The following FHIT variants were observed in gnomAD, a reference collection of about 807,000 sequenced individuals.
FHIT encodes the protein fragile histidine triad diadenosine triphosphatase.
A neutral mutation model predicts 17.9 loss-of-function variants in FHIT; 19 were observed. That is an observed-to-expected ratio of 1.06 (90% confidence interval 0.74 to 1.56). The LOEUF is 1.56. Among genes scored for constraint, FHIT ranks in the 40% most tolerant of loss-of-function variants. The probability of loss-of-function intolerance (pLI) is 0.00; values close to 1 mark genes in which losing one functional copy is unlikely to be tolerated. For synonymous variants in FHIT, 81 were observed against 69.7 expected (o/e 1.16, Z -0.81); for missense variants, 248 against 189.2 (o/e 1.31, Z -1.82).
intron 5 of FHIT, among the ~76,000 whole-genome samples, chr3:60,278,720 C>CA (rs34671935): frequency 0.44 from 64,883 of 148,192 alleles, 14,500 homozygotes; most frequent in South Asian, 0.62. Context: ...AACCTCATAA[C>CA]AAAAAAAAAA....
chr3:60,146,008 C>G (rs572036486), intron 5 of FHIT, among the ~76,000 whole-genome samples: 2 of 151,534 alleles, frequency 1.3e-5, no homozygotes, highest in Non-Finnish European at 3.0e-5. Flanking sequence ...TCATCAAAAG[C>G]TGTATTGGTT....
At chr3:59,889,438 A>T (rs965411063) in intron 8 of FHIT, among the ~76,000 whole-genome samples, 2 of 152,224 alleles carry the variant, frequency 1.3e-5, no homozygotes, top group Non-Finnish European at 2.9e-5. Flanking sequence ...TAGGAAAACT[A>T]TCCTCAGATA....
At chr3:60,832,687 TAA>T (rs879964941) in intron 3 of FHIT, among the ~76,000 whole-genome samples, 4 of 132,900 alleles carry the variant, frequency 3.0e-5, no homozygotes, top group Non-Finnish European at 3.3e-5. Flanking sequence ...AATCAATTCA[TAA>T]AAAAAAAAAA....
At chr3:60,103,049 C>G (rs1337831139) in intron 5 of FHIT, among the ~76,000 whole-genome samples, 1 of 152,096 alleles carries the variant, frequency 6.6e-6, no homozygotes, top group African/African-American at 2.4e-5. Flanking sequence ...AAGCTTAAGA[C>G]CCCATTGCTT....
intron 5 of FHIT, among the ~76,000 whole-genome samples, chr3:60,051,325 G>GTTTT (rs1701868015): frequency 2.1e-5 from 2 of 97,060 alleles, no homozygotes; most frequent in African/African-American, 3.2e-5. Context: ...AATTTAGGAT[G>GTTTT]CTTTTTTTTT....
At chr3:59,821,636 G>A (rs1700792652) in intron 8 of FHIT, among the ~76,000 whole-genome samples, 1 of 152,102 alleles carries the variant, frequency 6.6e-6, no homozygotes, top group Admixed American at 6.5e-5. Context: ...CAATACCAGT[G>A]CTTACCCAGC....
chr3:59,878,637 G>C (rs114012978), intron 8 of FHIT, among the ~76,000 whole-genome samples: 3,321 of 152,302 alleles, frequency 0.022, 45 homozygotes, highest in South Asian at 0.063. Context: ...TTCACAGCAT[G>C]AGGAACACAG....
At chr3:60,914,911 T>G (rs929917878) in intron 3 of FHIT, among the ~76,000 whole-genome samples, 3 of 152,232 alleles carry the variant, frequency 2.0e-5, no homozygotes, top group Non-Finnish European at 4.4e-5. Flanking sequence ...TAAGTAGCCT[T>G]GTAAATTTCA....
chr3:59,759,394 G>A (rs1247121184), intron 8 of FHIT, among the ~76,000 whole-genome samples: 1 of 152,112 alleles, frequency 6.6e-6, no homozygotes, highest in Non-Finnish European at 1.5e-5. Context: ...TTTGGGAGAG[G>A]GGGCTCATTT....
At chr3:59,969,978 G>A (rs1575788365) in intron 7 of FHIT, among the ~76,000 whole-genome samples, 1 of 151,944 alleles carries the variant, frequency 6.6e-6, no homozygotes, top group Non-Finnish European at 1.5e-5. Context: ...TCTCCCTCCA[G>A]AAAATTGTGT....
At chr3:60,023,780 C>G (rs559511877) in intron 5 of FHIT, among the ~76,000 whole-genome samples, 106 of 152,122 alleles carry the variant, frequency 7.0e-4, no homozygotes, top group Non-Finnish European at 1.3e-3. Flanking sequence ...GTGCTACACA[C>G]AGAGCTTAAC....
chr3:59,834,475 T>C (rs1234656070), intron 8 of FHIT, among the ~76,000 whole-genome samples: 1 of 152,182 alleles, frequency 6.6e-6, no homozygotes, highest in African/African-American at 2.4e-5. Context: ...TATTATAAAC[T>C]GGTTGGCTTA....
At chr3:60,124,751 T>C (rs987353902) in intron 5 of FHIT, among the ~76,000 whole-genome samples, 2 of 152,186 alleles carry the variant, frequency 1.3e-5, no homozygotes, top group African/African-American at 2.4e-5. Context: ...ATTTGATTTA[T>C]TGACAACAAA....
intron 4 of FHIT, among the ~76,000 whole-genome samples, chr3:60,713,654 A>G (rs1213789912): frequency 1.3e-5 from 2 of 152,240 alleles, no homozygotes; most frequent in Non-Finnish European, 2.9e-5. Flanking sequence ...AAACACCTCT[A>G]TGCAAATAAA....
At chr3:60,803,686 C>T (rs1353937206) in intron 4 of FHIT, among the ~76,000 whole-genome samples, 2 of 152,112 alleles carry the variant, frequency 1.3e-5, no homozygotes, top group Admixed American at 1.3e-4. Flanking sequence ...CTTTAATCAT[C>T]CAGATTCCTA....
intron 8 of FHIT, among the ~76,000 whole-genome samples, chr3:59,843,013 T>G (rs1001394096): frequency 3.9e-5 from 6 of 152,176 alleles, no homozygotes; most frequent in Non-Finnish European, 5.9e-5. Flanking sequence ...TGCTCTAAAT[T>G]TTATTCTAAG....
chr3:59,977,353 C>A (rs952904446), intron 7 of FHIT, among the ~76,000 whole-genome samples: 2 of 152,098 alleles, frequency 1.3e-5, no homozygotes, highest in Non-Finnish European at 2.9e-5. Context: ...ATTTATGCTC[C>A]CTTCACAACA....
At chr3:60,248,377 T>C (rs1464512655) in intron 5 of FHIT, among the ~76,000 whole-genome samples, 4 of 152,160 alleles carry the variant, frequency 2.6e-5, no homozygotes, top group Non-Finnish European at 5.9e-5. Flanking sequence ...AGCATTTACC[T>C]TGCTAGAGGA....
At chr3:60,571,872 A>G (rs1276354692) in intron 4 of FHIT, among the ~76,000 whole-genome samples, 1 of 152,190 alleles carries the variant, frequency 6.6e-6, no homozygotes, top group Non-Finnish European at 1.5e-5. Flanking sequence ...TCTTCCTTCA[A>G]GTACAAGATA....
Sources: gnomAD v4.1 joint callset for allele counts (sites outside exome capture counted in the v4.1 genomes callset) on GRCh38, gnomAD v4.1.1 for gene constraint, MANE v1.5 for transcripts, NCBI Gene and HGNC (gene_info 2026-07-23, HGNC 2026-07-21) for gene names.